Variants in SKI observed in about 807,000 individuals in gnomAD.
The protein encoded by SKI is SKI proto-oncogene, also known as ski oncogene.
In SKI, 23 loss-of-function variants were observed where a neutral mutation model predicts 59.3. That is an observed-to-expected ratio of 0.39 (90% CI 0.28 to 0.55). The LOEUF (loss-of-function observed/expected upper bound fraction) is 0.55. Among genes scored for constraint, SKI ranks in the 20% least tolerant of loss-of-function variants. The pLI is 0.67. For synonymous variants in SKI, 673 were observed against 488.6 expected (o/e 1.38, Z -4.98); for missense variants, 1,017 against 1,038.9 (o/e 0.98, Z 0.29).
Position 2,304,374 on chromosome 1 carries a change from G to T in SKI, c.1556G>T (p.Arg519Leu), listed in dbSNP as rs376322470. Residue 519 changes from arginine to leucine, a missense_variant, in exon 5 of 7, where the codon CGT becomes CTT. Arg to Leu is a moderately radical substitution (Grantham distance 102). Transcript: ENST00000378536. Reference protein sequence around the residue: ...SAKDLGSPGARALPSAVPDAA... With the variant: ...SAKDLGSPGALALPSAVPDAA... ...AAGGACCTGGGCTCCCCGGGTGCGC[G>T]TGCCCTGCCCTCGGCCGTCCCTGAT... The T allele has an allele frequency of 1.3e-6, 2 of 1,551,764 alleles. No individual in the cohort carries two copies. Among genetic ancestry groups the T allele is most frequent in the Non-Finnish European group, 1.7e-6 (2 of 1,147,282 alleles).
chr1:2,269,447 C>G lies in SKI; in HGVS notation c.970-33531C>G, dbSNP rs1639569581. ...AAGCGGACACTGCGGGACACGTTCCCCAACGTGGGATGTCCGTCCTCAGCA... is the reference window on the plus strand; with the variant it reads ...AAGCGGACACTGCGGGACACGTTCCGCAACGTGGGATGTCCGTCCTCAGCA... On this transcript the variant is annotated intron_variant, in intron 1 of 6. Coordinates refer to ENST00000378536, the MANE Select transcript of SKI (RefSeq NM_003036.4). This position sits in a 1 kb window ranked among gnomAD's most constrained non-coding sequence, Gnocchi z 4.7. 6.6e-6 allele frequency among the ~76,000 whole-genome samples: 1 copy of G among 152,254 alleles called. No individual in the cohort carries two copies. Among genetic ancestry groups the G allele is most frequent in the Admixed American group, 6.5e-5 (1 of 15,284 alleles).
chr1:2,244,273 A>G (rs941245201), intron 1 of SKI, among the ~76,000 whole-genome samples: 16 of 150,612 alleles, frequency 1.1e-4, no homozygotes, highest in Admixed American at 1.3e-4. Context: ...CCCTCCTGAC[A>G]ACTTTTAAGA....
chr1:2,276,357 C>T (rs1413309967), intron 1 of SKI, among the ~76,000 whole-genome samples: 2 of 152,230 alleles, frequency 1.3e-5, no homozygotes, highest in African/African-American at 2.4e-5. Flanking sequence ...TGATATTTAT[C>T]TCCAAAGGAA....
Position 2,267,313 on chromosome 1 carries a change from G to A in SKI, c.970-35665G>A, listed in dbSNP as rs1278790383. Among the ~76,000 whole-genome samples the A allele has an allele frequency of 4.6e-5, 7 of 152,196 alleles. No individual in the cohort carries two copies. The South Asian group carries it at 1.2e-3, about 27-fold the overall frequency. Reference sequence around the variant, plus strand: ...ACGTACCACTCAGAATTCAGCTTGCGCGGGCTGCGGTGGAGTTCTGGGGTT... The same window carrying A: ...ACGTACCACTCAGAATTCAGCTTGCACGGGCTGCGGTGGAGTTCTGGGGTT... On this transcript the variant is annotated intron_variant, in intron 1 of 6. Coordinates refer to ENST00000378536, the MANE Select transcript of SKI (RefSeq NM_003036.4). The surrounding 1 kb of genome is among the most constrained non-coding windows in gnomAD (Gnocchi z 4.1).
At chr1:2,260,535 C>CTTTTGTTTTTTTTTTTTTT (rs1639362826) in intron 1 of SKI, among the ~76,000 whole-genome samples, 1 of 67,820 alleles carries the variant, frequency 1.5e-5, no homozygotes, top group African/African-American at 6.2e-5. Flanking sequence ...TGTTCTTTTT[C>CTTTTGTTTTTTTTTTTTTT]TTTTTTTTTT....
intron 1 of SKI, among the ~76,000 whole-genome samples, chr1:2,279,678 G>A (rs750503085): frequency 3.9e-5 from 6 of 152,004 alleles, no homozygotes; most frequent in Admixed American, 6.6e-5. Context: ...GGCACTGGGC[G>A]TGGCCCAGCC....
At chr1:2,237,411 A>G (rs755147704) in intron 1 of SKI, among the ~76,000 whole-genome samples, 1 of 152,140 alleles carries the variant, frequency 6.6e-6, no homozygotes, top group African/African-American at 2.4e-5. Flanking sequence ...CTTCTTCTAC[A>G]GGGGAAACCA....
intron 1 of SKI, among the ~76,000 whole-genome samples, chr1:2,241,903 A>T (rs1284463493): frequency 6.6e-6 from 1 of 152,170 alleles, no homozygotes; most frequent in Non-Finnish European, 1.5e-5. Context: ...TTCGGGACCC[A>T]GGGACAGCAC....
At position 2,269,591 on chromosome 1, in the gene SKI, C is replaced by T. The variant is rs1639572894; in HGVS notation, c.970-33387C>T. On this transcript the variant is annotated intron_variant, in intron 1 of 6. Transcript: ENST00000378536. This position sits in a 1 kb window ranked among gnomAD's most constrained non-coding sequence, Gnocchi z 4.7. Reference sequence around the variant, plus strand: ...GAGGAGCTTTGCTGCCCTGGAGCGTCGCTTTGTGGGCAGAAGCCAACTTTG... The same window carrying T: ...GAGGAGCTTTGCTGCCCTGGAGCGTTGCTTTGTGGGCAGAAGCCAACTTTG... 1.3e-5 allele frequency among the ~76,000 whole-genome samples: 2 copies of T among 152,264 alleles called. No homozygotes were observed. The highest frequency in any genetic ancestry group is 4.1e-4 in the South Asian group (2 of 4,838).
At chr1:2,230,133 C>T (rs1352669886) in intron 1 of SKI, among the ~76,000 whole-genome samples, 1 of 152,184 alleles carries the variant, frequency 6.6e-6, no homozygotes, top group Admixed American at 6.5e-5. Flanking sequence ...AGGCCCAGGT[C>T]TTTCTTGGGG....
rs1450831734 is a variant in SKI, at chr1:2,309,523, T to G, written c.*2758T>G. The G allele has an allele frequency of 6.6e-6, 1 of 152,160 alleles. No individual in the cohort carries two copies. The highest frequency in any genetic ancestry group is 1.5e-5 in the Non-Finnish European group (1 of 68,034). 9.4% of individuals were successfully genotyped at this position (152,160 alleles called of 1,614,324 possible). ...CTGGGTCCTTTTTCAGAAACTCTTT[T>G]CTTACCTGAGAGTTGTCTTGTTTTC... On this transcript the variant is annotated 3_prime_UTR_variant, in exon 7 of 7. Coordinates refer to ENST00000378536, the MANE Select transcript of SKI (RefSeq NM_003036.4).
intron 1 of SKI, among the ~76,000 whole-genome samples, chr1:2,260,653 G>A (rs1479366629): frequency 6.9e-6 from 1 of 144,902 alleles, no homozygotes; most frequent in East Asian, 2.1e-4. Context: ...TGATCCTCCT[G>A]CCTCAGCCTC....
At chr1:2,272,740 T>C (rs1639652596) in intron 1 of SKI, among the ~76,000 whole-genome samples, 1 of 152,170 alleles carries the variant, frequency 6.6e-6, no homozygotes, top group African/African-American at 2.4e-5. Flanking sequence ...GTTCTGTCAA[T>C]AGCGTGTTGG....
At chr1:2,297,661 G>A (rs535053868) in intron 1 of SKI, among the ~76,000 whole-genome samples, 2 of 152,254 alleles carry the variant, frequency 1.3e-5, no homozygotes, top group Admixed American at 6.5e-5. Flanking sequence ...GTACAGAGAC[G>A]AATTGGCGCT....
intron 1 of SKI, among the ~76,000 whole-genome samples, chr1:2,282,927 T>C (rs1364666436): frequency 6.6e-6 from 1 of 152,210 alleles, no homozygotes; most frequent in African/African-American, 2.4e-5. Context: ...AGCCACTGTG[T>C]ACACTGAAGA....
chr1:2,271,162 G>A (rs1639608494), intron 1 of SKI, among the ~76,000 whole-genome samples: 1 of 152,078 alleles, frequency 6.6e-6, no homozygotes, highest in Non-Finnish European at 1.5e-5. Context: ...GCGACCCCAG[G>A]GTCCCGGGAC....
chr1:2,305,820 G>A (rs561529021), intron 5 of SKI, among the ~76,000 whole-genome samples, 200 bp from the exon 6 acceptor site: 1 of 152,290 alleles, frequency 6.6e-6, no homozygotes, highest in South Asian at 2.1e-4. Flanking sequence ...CAGGCCTGGC[G>A]GAAACTCCGG....
At chr1:2,241,231 T>C (rs1212037607) in intron 1 of SKI, among the ~76,000 whole-genome samples, 3 of 152,224 alleles carry the variant, frequency 2.0e-5, no homozygotes, top group Non-Finnish European at 4.4e-5. Flanking sequence ...GGCTTAAATA[T>C]GTCTGTGGAC....
In SKI at chr1:2,306,361, G is replaced by A. The variant is rs1328220857; in HGVS notation, c.1998+111G>A. 13 of 1,142,518 alleles carry A rather than the reference G, an allele frequency of 1.1e-5. No individual in the cohort carries two copies. The Admixed American group carries it at 1.9e-4, about 16-fold the overall frequency. 70.8% of individuals were successfully genotyped at this position (1,142,518 alleles called of 1,614,324 possible). On this transcript the variant is annotated intron_variant, in intron 6 of 6. Transcript: ENST00000378536. ...AGGCCTTGGAGCAGAAGCCAGGCCC[G>A]GGACCACGTTCCGTGCGTGCCCCCC...
Sources: gnomAD v4.1 joint callset for allele counts (sites outside exome capture counted in the v4.1 genomes callset) on GRCh38, gnomAD v4.1.1 for gene constraint, Gnocchi (gnomAD v3.1) non-coding constraint, MANE v1.5 for transcripts, NCBI Gene and HGNC (gene_info 2026-07-23, HGNC 2026-07-21) for gene names.